The following E2F6 variants were observed in gnomAD, a reference collection of about 807,000 sequenced individuals.
E2F6 encodes the protein E2F transcription factor 6.
A neutral mutation model predicts 31.5 loss-of-function variants in E2F6; 19 were observed. The observed-to-expected ratio is 0.60, with a 90% CI of 0.42 to 0.89. E2F6 has a LOEUF of 0.89. Among genes scored for constraint, E2F6 ranks in the 40% least tolerant of loss-of-function variants. E2F6 has a pLI of 0.00. For missense variants in E2F6, 269 were observed against 341.6 expected (o/e 0.79, Z 1.67); for synonymous variants, 121 against 127.7 (o/e 0.95, Z 0.36).
At chr2:11,460,932 T>C (rs1196888977) in intron 1 of E2F6, among the ~76,000 whole-genome samples, 1 of 151,806 alleles carries the variant, frequency 6.6e-6, no homozygotes, top group Non-Finnish European at 1.5e-5. Flanking sequence ...ACCAGAAACC[T>C]AATACAGATT....
intron 5 of E2F6, among the ~76,000 whole-genome samples, chr2:11,448,344 C>A (rs1205557084): frequency 6.6e-6 from 1 of 152,184 alleles, no homozygotes; most frequent in Non-Finnish European, 1.5e-5. Context: ...AGTGCTTCTA[C>A]TGGGAATTAT....
At chr2:11,450,200 AAC>A (rs1670975270) in intron 4 of E2F6, 74 bp from the exon 5 acceptor site, 1 of 932,300 alleles carries the variant, frequency 1.1e-6, no homozygotes, top group African/African-American at 1.7e-5. Context: ...TAATTCAGTT[AAC>A]GCAAGGGTAA....
chr2:11,454,662 A>G (rs1480178162), intron 2 of E2F6, among the ~76,000 whole-genome samples: 4 of 151,982 alleles, frequency 2.6e-5, no homozygotes, highest in Admixed American at 6.6e-5. Flanking sequence ...CAGTATCTCT[A>G]TTTTTAAAAA....
intron 2 of E2F6, 60 bp from the exon 3 acceptor site, chr2:11,453,858 A>C (rs1377509329): frequency 7.0e-7 from 1 of 1,436,098 alleles, no homozygotes; most frequent in East Asian, 2.5e-5. Flanking sequence ...ACTCATTTTT[A>C]AAAATCATCT....
At chr2:11,454,075 C>T (rs1671242183) in intron 2 of E2F6, among the ~76,000 whole-genome samples, 1 of 152,198 alleles carries the variant, frequency 6.6e-6, no homozygotes, top group African/African-American at 2.4e-5. Context: ...CACAAGTCTA[C>T]TGTATCTTCT....
At chr2:11,455,081 G>A (rs1014441989) in intron 2 of E2F6, among the ~76,000 whole-genome samples, 2 of 152,164 alleles carry the variant, frequency 1.3e-5, no homozygotes, top group Admixed American at 1.3e-4. Flanking sequence ...ATGTTGATAT[G>A]TGCCGCTAAA....
chr2:11,459,548 T>C (rs1029148889), intron 1 of E2F6, among the ~76,000 whole-genome samples: 4 of 152,124 alleles, frequency 2.6e-5, no homozygotes, highest in South Asian at 2.1e-4. Context: ...AACAGTACCA[T>C]TGCCCCTCAG....
chr2:11,465,705 C>T, intron 1 of E2F6, 67 bp downstream of exon 1: 2 of 1,510,002 alleles, frequency 1.3e-6, no homozygotes, highest in Non-Finnish European at 1.8e-6. Flanking sequence ...GGGTTGGCGG[C>T]GGCGCGGGGA....
intron 1 of E2F6, chr2:11,458,264 C>T (rs370246991): frequency 3.4e-5 from 53 of 1,551,536 alleles, no homozygotes; most frequent in African/African-American, 5.5e-5. Flanking sequence ...AGGGATACAC[C>T]CAGACAGGGA....
chr2:11,455,868 G>A (rs1671372389), intron 2 of E2F6, among the ~76,000 whole-genome samples: 1 of 152,180 alleles, frequency 6.6e-6, no homozygotes, highest in Non-Finnish European at 1.5e-5. Context: ...GGGAAACTGG[G>A]AAGGCCTCTT....
Position 11,454,510 on chromosome 2 carries a change from A to C in E2F6, c.164-712T>G, listed in dbSNP as rs150133286. Reference sequence around the variant, plus strand: ...CAGGCATGCACCAGCACGCCTGGCTAATTGTTTTGCATTTTTAGTAGAGAC... The same window carrying C: ...CAGGCATGCACCAGCACGCCTGGCTCATTGTTTTGCATTTTTAGTAGAGAC... On this transcript the variant is annotated intron_variant, in intron 2 of 6. Coordinates refer to ENST00000381525, the MANE Select transcript of E2F6 (RefSeq NM_198256.4). Among the ~76,000 whole-genome samples the C allele has an allele frequency of 3.4e-4, 52 of 151,988 alleles. 1 individual carries two copies. In the East Asian group the frequency reaches 8.5e-3, roughly 25 times the overall value.
At position 11,465,955 on chromosome 2, in the gene E2F6, C is replaced by T; in HGVS notation, c.-76G>A. On this transcript the variant is annotated 5_prime_UTR_variant, in exon 1 of 7. Coordinates refer to ENST00000381525, the MANE Select transcript of E2F6 (RefSeq NM_198256.4). ...CCTCTCGCGCTCAGCTCGAGCACCG[C>T]CCCCCACGCGCCGATTTCCAAGGGC... is the stretch of plus-strand genomic sequence containing the variant. The T allele has an allele frequency of 7.6e-7, 1 of 1,314,886 alleles. No individual in the cohort carries two copies. The highest frequency in any genetic ancestry group is 1.5e-5 in the South Asian group (1 of 65,652). The allele number at this position is 1,314,886 out of a possible 1,614,324, so 81.5% of individuals were successfully genotyped here.
At chr2:11,465,128 A>G (rs985424754) in intron 1 of E2F6, among the ~76,000 whole-genome samples, 7 of 144,504 alleles carry the variant, frequency 4.8e-5, no homozygotes, top group African/African-American at 1.8e-4. Flanking sequence ...CAGTGAGCTG[A>G]GATTGCGCCA....
chr2:11,453,018 G>C (rs891350646), intron 3 of E2F6, among the ~76,000 whole-genome samples: 1 of 152,080 alleles, frequency 6.6e-6, no homozygotes, highest in Admixed American at 6.6e-5. Context: ...ATTTCTCCCT[G>C]TCCCCAAATA....
At position 11,453,604 on chromosome 2, in the gene E2F6, A is replaced by T. The variant is rs1229023423; in HGVS notation, c.358T>A (p.Ser120Thr). Residue 120 changes from serine (S) to threonine (T), a missense_variant, in exon 3 of 7, where the codon TCC becomes ACC. Coordinates refer to ENST00000381525, the MANE Select transcript of E2F6 (RefSeq NM_198256.4). ...CACATCCATCTAATATGGTTCTTGGATTTCTTTTCAACGAGGTCGATTCCA... is the reference window on the plus strand; with the variant it reads ...CACATCCATCTAATATGGTTCTTGGTTTTCTTTTCAACGAGGTCGATTCCA... ...LDGIDLVEKK[S>T]KNHIRWIGSD... 1 of 1,613,994 alleles carries T rather than the reference A, an allele frequency of 6.2e-7. No homozygotes were observed. The highest frequency in any genetic ancestry group is 8.5e-7 in the Non-Finnish European group (1 of 1,180,018).
At chr2:11,451,344 CTA>C (rs1671051403) in intron 4 of E2F6, 1 of 113,738 alleles carries the variant, frequency 8.8e-6, no homozygotes, top group Non-Finnish European at 1.9e-5. Flanking sequence ...CAACTTTTAC[CTA>C]ACTTTTTTTT....
chr2:11,451,983 A>C (rs753495727), intron 3 of E2F6, among the ~76,000 whole-genome samples, 177 bp from the exon 4 acceptor site: 6 of 152,244 alleles, frequency 3.9e-5, no homozygotes, highest in Non-Finnish European at 7.3e-5. Flanking sequence ...CCTTCTGTAC[A>C]TAAATTATTT....
intron 2 of E2F6, 147 bp from the exon 3 acceptor site, chr2:11,453,945 T>A: frequency 1.4e-6 from 1 of 711,248 alleles, no homozygotes; most frequent in South Asian, 2.0e-5. Context: ...TTCTATGAAA[T>A]AAATCTCTTA....
intron 1 of E2F6, among the ~76,000 whole-genome samples, chr2:11,461,355 ATTTAT>A (rs1406882307): frequency 6.6e-6 from 1 of 151,954 alleles, no homozygotes; most frequent in Non-Finnish European, 1.5e-5. Context: ...TATTTTATTT[ATTTAT>A]TTATTTTTGT....
Sources: gnomAD v4.1 joint callset for allele counts (sites outside exome capture counted in the v4.1 genomes callset) on GRCh38, gnomAD v4.1.1 for gene constraint, MANE v1.5 for transcripts, NCBI Gene and HGNC (gene_info 2026-07-23, HGNC 2026-07-21) for gene names.